Variants in SLC66A2 observed in about 807,000 individuals in gnomAD.
SLC66A2 encodes solute carrier family 66 member 2.
SLC66A2 carries 23 observed loss-of-function variants against 25.5 expected under a neutral mutation model. The observed-to-expected ratio is 0.90, with a 90% confidence interval of 0.65 to 1.28. SLC66A2 has a LOEUF of 1.28. SLC66A2 is among the 50% of genes most tolerant of loss of function. The pLI, the probability that SLC66A2 is intolerant of heterozygous loss-of-function variation, is 0.00. For synonymous variants in SLC66A2, 193 were observed against 166.5 expected (o/e 1.16, Z -1.23); for missense variants, 396 against 373.1 (o/e 1.06, Z -0.51).
At chr18:79,930,543 A>G (rs542728624) in intron 4 of SLC66A2, among the ~76,000 whole-genome samples, 4 of 152,336 alleles carry the variant, frequency 2.6e-5, no homozygotes, top group African/African-American at 4.8e-5. Flanking sequence ...AGTTATTATA[A>G]AAGATGATAT....
intron 5 of SLC66A2, among the ~76,000 whole-genome samples, chr18:79,912,817 C>A (rs1983440255): frequency 1.3e-5 from 2 of 152,124 alleles, no homozygotes; most frequent in Admixed American, 1.3e-4. Flanking sequence ...CATGGGCCAG[C>A]CTGCGTGCAC....
chr18:79,931,435 C>A (rs1436239232), intron 4 of SLC66A2, among the ~76,000 whole-genome samples: 4 of 151,860 alleles, frequency 2.6e-5, no homozygotes, highest in African/African-American at 9.7e-5. Flanking sequence ...ACACAGATGT[C>A]AAAAGAGAAA....
At chr18:79,912,959 C>T (rs572417034) in intron 5 of SLC66A2, among the ~76,000 whole-genome samples, 1 of 152,274 alleles carries the variant, frequency 6.6e-6, no homozygotes, top group African/African-American at 2.4e-5. Context: ...GTCATGAAGA[C>T]GTGGCCCCAG....
chr18:79,944,952 C>A (rs35921237), intron 2 of SLC66A2, among the ~76,000 whole-genome samples: 24 of 109,856 alleles, frequency 2.2e-4, no homozygotes, highest in East Asian at 1.1e-3. Flanking sequence ...CAACACAGAG[C>A]AGAAGCAGGG....
At chr18:79,942,278 G>A (rs1987741091) in intron 3 of SLC66A2, among the ~76,000 whole-genome samples, 2 of 152,222 alleles carry the variant, frequency 1.3e-5, no homozygotes, top group South Asian at 4.1e-4. Context: ...AGAAAGAACA[G>A]AACACCGCAG....
intron 3 of SLC66A2, among the ~76,000 whole-genome samples, chr18:79,938,156 AAAAG>A (rs1699645186): frequency 1.3e-5 from 2 of 151,074 alleles, no homozygotes; most frequent in Admixed American, 6.6e-5. Flanking sequence ...AAAAAAAAAA[AAAAG>A]AAAGAAAGAA....
chr18:79,909,923 C>T (rs1280662812), intron 5 of SLC66A2, among the ~76,000 whole-genome samples: 2 of 138,070 alleles, frequency 1.4e-5, no homozygotes, highest in Non-Finnish European at 3.1e-5. Flanking sequence ...ACCTTCCCCA[C>T]CATCTCACCA....
intron 5 of SLC66A2, among the ~76,000 whole-genome samples, chr18:79,911,614 C>G (rs1018635024): frequency 2.6e-5 from 4 of 152,222 alleles, no homozygotes; most frequent in Non-Finnish European, 5.9e-5. Flanking sequence ...CTGCTGGCTG[C>G]GGGGACATTC....
At chr18:79,945,755 T>C (rs1568339662) in intron 2 of SLC66A2, among the ~76,000 whole-genome samples, 1 of 152,130 alleles carries the variant, frequency 6.6e-6, no homozygotes, top group Non-Finnish European at 1.5e-5. Context: ...ACCGGCCCCC[T>C]CCAGGCCTCA....
Position 79,950,904 on chromosome 18 carries a change from C to T in SLC66A2, c.23G>A (p.Trp8Ter), listed in dbSNP as rs931747024. MEAEGLD[W>*]LLVPLHQLVS... is the part of the protein sequence containing the mutation. The stretch of plus-strand genomic sequence containing the variant: ...CAGCTGGTGCAGTGGCACCAGGAGC[C>T]AGTCCAGGCCCTCGGCCTCCATCGC... The change falls in exon 2 of 6, where the codon TGG (tryptophan) becomes TAG (stop). Residue 8 changes from tryptophan (W) to a stop codon, truncating the protein, a stop_gained. Transcript: ENST00000397778. LOFTEE classifies it high-confidence loss of function. 7 of 1,586,614 alleles carry T rather than the reference C, an allele frequency of 4.4e-6. No individual in the cohort carries two copies. The highest frequency in any genetic ancestry group is 6.0e-6 in the Non-Finnish European group (7 of 1,167,466).
At chr18:79,924,535 A>C (rs1350775852) in intron 4 of SLC66A2, among the ~76,000 whole-genome samples, 2 of 152,162 alleles carry the variant, frequency 1.3e-5, no homozygotes, top group Non-Finnish European at 2.9e-5. Context: ...AAATACACTA[A>C]AAACCACCGA....
Position 79,904,203 on chromosome 18 carries a change from C to A in SLC66A2, c.609-20G>T. ...TTGATGCTGTGGAGACACAAGCAGG[C>A]GGTCAGCGGTGGGGAGGGCGGCGAC... On this transcript the variant is annotated intron_variant, in intron 5 of 5. Coordinates refer to ENST00000397778, the MANE Select transcript of SLC66A2 (RefSeq NM_025078.5). The surrounding 1 kb of genome is among the most constrained non-coding windows in gnomAD (Gnocchi z 6.3). The A allele has an allele frequency of 6.2e-7, 1 of 1,610,008 alleles. No individual in the cohort carries two copies. The highest frequency in any genetic ancestry group is 1.1e-5 in the South Asian group (1 of 90,976).
At chr18:79,912,108 G>C (rs553783947) in intron 5 of SLC66A2, among the ~76,000 whole-genome samples, 1 of 139,758 alleles carries the variant, frequency 7.2e-6, no homozygotes, top group Non-Finnish European at 1.6e-5. Context: ...GGACAGGAGT[G>C]GGGGGGACGG....
chr18:79,904,587 G>A lies in SLC66A2; in HGVS notation c.609-404C>T, dbSNP rs1163893315. Among the ~76,000 whole-genome samples, 11 of 152,168 alleles carry A rather than the reference G, an allele frequency of 7.2e-5. No individual in the cohort carries two copies. The highest frequency in any genetic ancestry group is 1.4e-4 in the African/African-American group (6 of 41,430). On this transcript the variant is annotated intron_variant, in intron 5 of 5. Transcript: ENST00000397778. This position sits in a 1 kb window ranked among gnomAD's most constrained non-coding sequence, Gnocchi z 6.3. The stretch of plus-strand genomic sequence containing the variant: ...GCTGACGTCAGGGCCCCTGGTGCGC[G>A]GTGGCAATTCTGGGAGGGGCCGGGC...
Position 79,904,911 on chromosome 18 carries a change from G to C in SLC66A2, c.609-728C>G, listed in dbSNP as rs1012828626. On this transcript the variant is annotated intron_variant, in intron 5 of 5. Coordinates refer to ENST00000397778, the MANE Select transcript of SLC66A2 (RefSeq NM_025078.5). This position sits in a 1 kb window ranked among gnomAD's most constrained non-coding sequence, Gnocchi z 6.3. ...CACAGCTCCTGAAGCCAGAGGCAGA[G>C]CCTGGGTGGGGAGCGCTGCCTGGAC... 6.6e-6 allele frequency among the ~76,000 whole-genome samples: 1 copy of C among 152,198 alleles called. No individual in the cohort carries two copies. The highest frequency in any genetic ancestry group is 1.9e-4 in the East Asian group (1 of 5,180).
chr18:79,945,580 G>A (rs544434085), intron 2 of SLC66A2, among the ~76,000 whole-genome samples: 92 of 152,340 alleles, frequency 6.0e-4, no homozygotes, highest in African/African-American at 2.0e-3. Flanking sequence ...GCAAACAGAA[G>A]AAGGGAGGGT....
rs1289268257 is a variant in SLC66A2, at chr18:79,917,897, C to T, written c.608+1287G>A. On this transcript the variant is annotated intron_variant, in intron 5 of 5. Coordinates refer to ENST00000397778, the MANE Select transcript of SLC66A2 (RefSeq NM_025078.5). The surrounding 1 kb of genome is among the most constrained non-coding windows in gnomAD (Gnocchi z 6.0). ...CAGCACCCCACACCTGACCCATGCC[C>T]CACACCTCTACCTACAGCCCACACC... 1.3e-5 allele frequency among the ~76,000 whole-genome samples: 2 copies of T among 151,932 alleles called. No individual in the cohort carries two copies. The highest frequency in any genetic ancestry group is 2.9e-5 in the Non-Finnish European group (2 of 67,946).
At chr18:79,908,616 TCTC>T (rs1324491129) in intron 5 of SLC66A2, among the ~76,000 whole-genome samples, 1 of 152,188 alleles carries the variant, frequency 6.6e-6, no homozygotes, top group Non-Finnish European at 1.5e-5. Flanking sequence ...TGTGTCACAC[TCTC>T]CTCTCCTCTG....
At position 79,904,558 on chromosome 18, in the gene SLC66A2, A is replaced by G. The variant is rs1363124705; in HGVS notation, c.609-375T>C. On this transcript the variant is annotated intron_variant, in intron 5 of 5. Coordinates refer to ENST00000397778, the MANE Select transcript of SLC66A2 (RefSeq NM_025078.5). The surrounding 1 kb of genome is among the most constrained non-coding windows in gnomAD (Gnocchi z 6.3). ...CGAGGCTACAGGGGACAGCAGGGCG[A>G]GCAGCTGACGTCAGGGCCCCTGGTG... 6.6e-6 allele frequency among the ~76,000 whole-genome samples: 1 copy of G among 152,070 alleles called. No individual in the cohort carries two copies. The highest frequency in any genetic ancestry group is 6.5e-5 in the Admixed American group (1 of 15,280).
Sources: gnomAD v4.1 joint callset for allele counts (sites outside exome capture counted in the v4.1 genomes callset) on GRCh38, gnomAD v4.1.1 for gene constraint, Gnocchi (gnomAD v3.1) non-coding constraint, MANE v1.5 for transcripts, NCBI Gene and HGNC (gene_info 2026-07-23, HGNC 2026-07-21) for gene names.